CFDP1: variants seen among roughly 807,000 people sequenced by gnomAD.
The protein encoded by CFDP1 is heterochromatin-stabilizing protein CFDP1.
Under a neutral mutation model 40.1 loss-of-function variants are expected in CFDP1, and 31 were observed. That is an observed-to-expected ratio of 0.77 (90% CI 0.58 to 1.04). CFDP1 has a LOEUF of 1.04. Among genes scored for constraint, CFDP1 ranks in the 50% least tolerant of loss-of-function variants. CFDP1 has a pLI of 0.00. For missense variants in CFDP1, 423 were observed against 343.4 expected (o/e 1.23, Z -1.83); for synonymous variants, 167 against 120.0 (o/e 1.39, Z -2.56).
intron 5 of CFDP1, among the ~76,000 whole-genome samples, chr16:75,383,683 G>A (rs2078869513): frequency 6.6e-6 from 1 of 152,098 alleles, no homozygotes; most frequent in African/African-American, 2.4e-5. Context: ...GCCGGGCATG[G>A]TGGTGGGCGC....
intron 5 of CFDP1, among the ~76,000 whole-genome samples, chr16:75,323,318 T>G (rs1236769859): frequency 6.6e-6 from 1 of 152,114 alleles, no homozygotes; most frequent in African/African-American, 2.4e-5. Context: ...CTTCCTTATT[T>G]TGTCCCATTG....
In CFDP1 at chr16:75,334,915, A is replaced by T. The variant is rs184382948; in HGVS notation, c.651-29733T>A. ...GGTTGCAGTGAGCTGAGATCATGCC[A>T]CTGCATTCCAGCCTGGGCGACAAAG... On this transcript the variant is annotated intron_variant, in intron 5 of 6. Coordinates refer to ENST00000283882, the MANE Select transcript of CFDP1 (RefSeq NM_006324.3). 7.8e-3 allele frequency among the ~76,000 whole-genome samples: 1,192 copies of T among 152,132 alleles called. 10 individuals carry two copies. The highest frequency in any genetic ancestry group is 0.013 in the Non-Finnish European group (868 of 68,000).
intron 5 of CFDP1, chr16:75,306,439 T>C (rs2078257855): frequency 6.6e-6 from 1 of 152,270 alleles, no homozygotes; most frequent in Non-Finnish European, 1.5e-5. Context: ...AACACCAGAC[T>C]GCTGGGACTG....
At chr16:75,407,340 C>T (rs559923627) in intron 4 of CFDP1, among the ~76,000 whole-genome samples, 1 of 152,014 alleles carries the variant, frequency 6.6e-6, no homozygotes, top group Non-Finnish European at 1.5e-5. Flanking sequence ...TACAAATTAA[C>T]ACATTTCATA....
At chr16:75,412,305 C>T (rs560019108) in intron 3 of CFDP1, among the ~76,000 whole-genome samples, 11 of 152,188 alleles carry the variant, frequency 7.2e-5, no homozygotes, top group Non-Finnish European at 1.5e-4. Context: ...TGGTGTGTGG[C>T]ACTGCAGTCA....
At chr16:75,428,596 G>A (rs539159753) in intron 1 of CFDP1, among the ~76,000 whole-genome samples, 1 of 151,180 alleles carries the variant, frequency 6.6e-6, no homozygotes, top group Non-Finnish European at 1.5e-5. Flanking sequence ...CAGCCTGGGT[G>A]ACAGAGCTAT....
chr16:75,361,728 A>G (rs1445485823), intron 5 of CFDP1, among the ~76,000 whole-genome samples: 2 of 152,222 alleles, frequency 1.3e-5, no homozygotes, highest in Non-Finnish European at 2.9e-5. Context: ...TAGAACTGTC[A>G]AAAGGCACTT....
chr16:75,370,638 G>A (rs1236826354), intron 5 of CFDP1, among the ~76,000 whole-genome samples: 4 of 151,986 alleles, frequency 2.6e-5, no homozygotes, highest in East Asian at 1.9e-4. Flanking sequence ...TGAGGAGGGC[G>A]GATCACCTGA....
At position 75,433,064 on chromosome 16, in the gene CFDP1, G is replaced by A. The variant is rs1181634514; in HGVS notation, c.64+225C>T. On this transcript the variant is annotated intron_variant, in intron 1 of 6. Coordinates refer to ENST00000283882, the MANE Select transcript of CFDP1 (RefSeq NM_006324.3). Reference sequence around the variant, plus strand: ...GCCGGTTCCCGCGCTGCAAGAGGGGGCGGCGGCCGGAGCTGCCCAACGGGA... The same window carrying A: ...GCCGGTTCCCGCGCTGCAAGAGGGGACGGCGGCCGGAGCTGCCCAACGGGA... 2.6e-5 allele frequency among the ~76,000 whole-genome samples: 4 copies of A among 152,346 alleles called. No homozygotes were observed. In the East Asian group the frequency reaches 7.7e-4, roughly 29 times the overall value.
Position 75,412,759 on chromosome 16 carries a change from T to A in CFDP1, c.183-5A>T. On this transcript the variant is annotated splice_region_variant and splice_polypyrimidine_tract_variant and intron_variant, in intron 2 of 6. Coordinates refer to ENST00000283882, the MANE Select transcript of CFDP1 (RefSeq NM_006324.3). ...AGGCCACCTTGTCTTCTCTTCCTAA[T>A]CACCAGCAGTCACAGGAAAAAGGAA... is the stretch of plus-strand genomic sequence containing the variant. 6.2e-7 allele frequency: 1 copy of A among 1,607,674 alleles called. No individual in the cohort carries two copies. The highest frequency in any genetic ancestry group is 8.5e-7 in the Non-Finnish European group (1 of 1,175,686).
At chr16:75,410,071 A>C (rs1351567433) in intron 4 of CFDP1, among the ~76,000 whole-genome samples, 4 of 149,466 alleles carry the variant, frequency 2.7e-5, no homozygotes, top group Middle Eastern at 3.2e-3. Flanking sequence ...AAAAAAAAAA[A>C]AAAAAAAAAA....
At chr16:75,352,227 G>C (rs2151526893) in intron 5 of CFDP1, among the ~76,000 whole-genome samples, 1 of 151,974 alleles carries the variant, frequency 6.6e-6, no homozygotes, top group Non-Finnish European at 1.5e-5. Flanking sequence ...TGTAGTCCCA[G>C]CTACTGGGGA....
At chr16:75,377,169 T>C (rs868489646) in intron 5 of CFDP1, among the ~76,000 whole-genome samples, 33 of 152,238 alleles carry the variant, frequency 2.2e-4, no homozygotes, top group Admixed American at 1.1e-3. Context: ...ATGTATTCAA[T>C]TGTGAAAACT....
chr16:75,307,725 T>C (rs2078268255), intron 5 of CFDP1, among the ~76,000 whole-genome samples: 1 of 152,050 alleles, frequency 6.6e-6, no homozygotes, highest in African/African-American at 2.4e-5. Flanking sequence ...CGTTCAACTA[T>C]CTTTTTTATG....
At chr16:75,364,080 A>C (rs1391454451) in intron 5 of CFDP1, among the ~76,000 whole-genome samples, 1 of 152,052 alleles carries the variant, frequency 6.6e-6, no homozygotes, top group Non-Finnish European at 1.5e-5. Context: ...CCTCTGAGGT[A>C]CTTCTCCCCT....
At chr16:75,333,350 C>T (rs1450999515) in intron 5 of CFDP1, among the ~76,000 whole-genome samples, 1 of 150,974 alleles carries the variant, frequency 6.6e-6, no homozygotes, top group Non-Finnish European at 1.5e-5. Flanking sequence ...GTCTCGATCT[C>T]CTCACCTCGT....
chr16:75,332,362 G>A (rs2151515605), intron 5 of CFDP1, among the ~76,000 whole-genome samples: 1 of 152,244 alleles, frequency 6.6e-6, no homozygotes, highest in East Asian at 1.9e-4. Context: ...CTACTCAGGA[G>A]GCTGAGGCAG....
intron 6 of CFDP1, among the ~76,000 whole-genome samples, chr16:75,299,416 T>A (rs1341195083): frequency 7.8e-6 from 1 of 128,112 alleles, no homozygotes; most frequent in Non-Finnish European, 1.7e-5. Context: ...TGAAACCCCA[T>A]CTCTACTTAA....
At chr16:75,375,706 G>A (rs946400257) in intron 5 of CFDP1, among the ~76,000 whole-genome samples, 3 of 149,986 alleles carry the variant, frequency 2.0e-5, no homozygotes, top group African/African-American at 7.3e-5. Context: ...CAGGAGAATC[G>A]TTTAAACCCC....
Sources: allele counts gnomAD v4.1 joint callset (sites outside exome capture counted in the v4.1 genomes callset), GRCh38; gene constraint gnomAD v4.1.1; transcripts MANE v1.5; gene names NCBI Gene and HGNC (gene_info 2026-07-23, HGNC 2026-07-21).